Variants in KCNMB2 observed in about 807,000 individuals in gnomAD.
KCNMB2 encodes the protein potassium calcium-activated channel subfamily M regulatory beta subunit 2, also known as calcium-activated potassium channel subunit beta-2.
Under a neutral mutation model 24.5 loss-of-function variants are expected in KCNMB2, and 9 were observed. That is an observed-to-expected ratio of 0.37 (90% CI 0.22 to 0.64). The LOEUF is 0.64. KCNMB2 is among the 30% of genes least tolerant of loss of function. The pLI is 0.63. For synonymous variants in KCNMB2, 109 were observed against 104.4 expected (o/e 1.04, Z -0.27); for missense variants, 226 against 284.3 (o/e 0.79, Z 1.47).
At chr3:178,544,742 G>A (rs528391753) in intron 1 of KCNMB2, among the ~76,000 whole-genome samples, 1 of 152,050 alleles carries the variant, frequency 6.6e-6, no homozygotes, top group Non-Finnish European at 1.5e-5. Context: ...CTCATTTTCA[G>A]TTTTCAACAA....
intron 4 of KCNMB2, among the ~76,000 whole-genome samples, chr3:178,829,169 T>C (rs999710312): frequency 2.6e-5 from 4 of 152,210 alleles, no homozygotes; most frequent in East Asian, 1.9e-4. Context: ...ATATATTGAG[T>C]TTTGGATTTG....
At chr3:178,620,161 T>A (rs1168980433) in intron 1 of KCNMB2, among the ~76,000 whole-genome samples, 2 of 152,140 alleles carry the variant, frequency 1.3e-5, no homozygotes, top group Non-Finnish European at 2.9e-5. Flanking sequence ...TAGGCAGCCC[T>A]CAAAGTAATA....
intron 4 of KCNMB2, among the ~76,000 whole-genome samples, chr3:178,829,807 T>C (rs1399388174): frequency 6.6e-6 from 1 of 152,194 alleles, no homozygotes; most frequent in Non-Finnish European, 1.5e-5. Context: ...CCAATAAATG[T>C]CCCAGATATG....
intron 1 of KCNMB2, among the ~76,000 whole-genome samples, chr3:178,716,124 C>T (rs1722610221): frequency 6.6e-6 from 1 of 152,206 alleles, no homozygotes; most frequent in African/African-American, 2.4e-5. Flanking sequence ...ACAGAATTAG[C>T]AGAGCATTCT....
intron 1 of KCNMB2, among the ~76,000 whole-genome samples, chr3:178,566,329 G>C (rs1716516466): frequency 6.6e-6 from 1 of 152,096 alleles, no homozygotes; most frequent in African/African-American, 2.4e-5. Flanking sequence ...TTTAGAGGTA[G>C]GTCTAAATAT....
chr3:178,717,034 G>A (rs920432811), intron 1 of KCNMB2, among the ~76,000 whole-genome samples: 14 of 150,240 alleles, frequency 9.3e-5, no homozygotes, highest in Admixed American at 8.6e-4. Context: ...CTTTATGTCT[G>A]GGCAAATTTC....
intron 1 of KCNMB2, among the ~76,000 whole-genome samples, chr3:178,582,195 A>T (rs1161952352): frequency 6.6e-6 from 1 of 152,222 alleles, no homozygotes; most frequent in Non-Finnish European, 1.5e-5. Flanking sequence ...AAAAAGGATG[A>T]GTTCATGTCC....
chr3:178,696,381 C>T (rs1294275460), intron 1 of KCNMB2, among the ~76,000 whole-genome samples: 1 of 152,156 alleles, frequency 6.6e-6, no homozygotes. Flanking sequence ...AGATTGTGTG[C>T]ATAGAGGTGT....
Position 178,716,798 on chromosome 3 carries a change from A to G in KCNMB2, c.-67-90545A>G, listed in dbSNP as rs186170949. The stretch of plus-strand genomic sequence containing the variant: ...AGGGACAGGTTTTCCACATATATGC[A>G]TATTAGTAACTGCAGGAAGTTGGGA... On this transcript the variant is annotated intron_variant, in intron 1 of 4. Transcript: ENST00000452583. Among the ~76,000 whole-genome samples, 115 of 152,262 alleles carry G rather than the reference A, an allele frequency of 7.6e-4. No homozygotes were observed. In the East Asian group the frequency reaches 8.7e-3, roughly 12 times the overall value.
chr3:178,677,317 G>T (rs1158690906), intron 1 of KCNMB2, among the ~76,000 whole-genome samples: 1 of 152,090 alleles, frequency 6.6e-6, no homozygotes, highest in African/African-American at 2.4e-5. Context: ...CATAAGGAGG[G>T]TATGTACATG....
chr3:178,742,349 C>G (rs1723522245), intron 1 of KCNMB2, among the ~76,000 whole-genome samples: 1 of 152,314 alleles, frequency 6.6e-6, no homozygotes, highest in Middle Eastern at 3.4e-3. Flanking sequence ...AGAGAAACCC[C>G]TCTGATCTGA....
At chr3:178,701,815 T>C (rs1306410717) in intron 1 of KCNMB2, among the ~76,000 whole-genome samples, 1 of 152,172 alleles carries the variant, frequency 6.6e-6, no homozygotes, top group African/African-American at 2.4e-5. Flanking sequence ...TTTACACTGT[T>C]GGTGGGACTG....
At chr3:178,823,791 C>G (rs368517637) in intron 2 of KCNMB2, among the ~76,000 whole-genome samples, 22 of 152,264 alleles carry the variant, frequency 1.4e-4, no homozygotes, top group South Asian at 8.3e-4. Flanking sequence ...TTCCCTCCCC[C>G]GCAAAGTTCC....
intron 1 of KCNMB2, among the ~76,000 whole-genome samples, chr3:178,685,698 T>C (rs1268275076): frequency 6.6e-6 from 1 of 152,246 alleles, no homozygotes; most frequent in African/African-American, 2.4e-5. Context: ...GAGCAGTTGT[T>C]ATTTCCTCAC....
intron 1 of KCNMB2, among the ~76,000 whole-genome samples, chr3:178,570,405 T>A (rs1716730549): frequency 6.6e-6 from 1 of 152,044 alleles, no homozygotes; most frequent in South Asian, 2.1e-4. Context: ...TGAAAATATT[T>A]CAAGAAGACT....
chr3:178,673,598 T>C (rs1720977297), intron 1 of KCNMB2, among the ~76,000 whole-genome samples: 1 of 152,048 alleles, frequency 6.6e-6, no homozygotes, highest in Non-Finnish European at 1.5e-5. Flanking sequence ...AGCAACCCCT[T>C]CACTTTGCAC....
intron 1 of KCNMB2, among the ~76,000 whole-genome samples, chr3:178,739,499 T>C (rs915068434): frequency 6.6e-6 from 1 of 152,230 alleles, no homozygotes; most frequent in Non-Finnish European, 1.5e-5. Flanking sequence ...ATACTGAGTC[T>C]GACCAAATTT....
intron 1 of KCNMB2, among the ~76,000 whole-genome samples, chr3:178,608,594 TA>T (rs1422496045): frequency 6.6e-6 from 1 of 152,196 alleles, no homozygotes. Flanking sequence ...ATAATCACCC[TA>T]TTGTGCTATT....
At chr3:178,683,861 A>G (rs1721361907) in intron 1 of KCNMB2, among the ~76,000 whole-genome samples, 1 of 152,198 alleles carries the variant, frequency 6.6e-6, no homozygotes, top group Admixed American at 6.5e-5. Flanking sequence ...GTTGGTAGGA[A>G]TGTAGATAGG....
Sources: gnomAD v4.1 joint callset for allele counts (sites outside exome capture counted in the v4.1 genomes callset) on GRCh38, gnomAD v4.1.1 for gene constraint, MANE v1.5 for transcripts, NCBI Gene and HGNC (gene_info 2026-07-23, HGNC 2026-07-21) for gene names.